NPAS2: variants seen among roughly 807,000 people sequenced by gnomAD.
NPAS2 encodes the protein neuronal PAS domain-containing protein 2.
NPAS2 carries 23 observed loss-of-function variants against 107.5 expected under a neutral mutation model. That is an observed-to-expected ratio of 0.21 (90% confidence interval 0.15 to 0.30). NPAS2 has a LOEUF of 0.30. Ranked by LOEUF, NPAS2 falls within the 10% of genes least tolerant of loss-of-function variation. The pLI, the probability that NPAS2 is intolerant of heterozygous loss-of-function variation, is 1.00. For missense variants in NPAS2, 756 were observed against 1,043.3 expected (o/e 0.72, Z 3.79); for synonymous variants, 403 against 417.5 (o/e 0.97, Z 0.42).
intron 17 of NPAS2, chr2:100,989,095 A>G (rs1677962714): frequency 6.0e-6 from 1 of 166,562 alleles, no homozygotes; most frequent in African/African-American, 2.4e-5. Flanking sequence ...CAAAATCGCC[A>G]GCAGATAAAT....
At chr2:100,821,246 T>A in intron 1 of NPAS2, 1 of 1,284,402 alleles carries the variant, frequency 7.8e-7, no homozygotes, top group Non-Finnish European at 1.0e-6. Context: ...AATTAGTAAC[T>A]AGTTTTGTTG....
chr2:100,821,343 C>G (rs1310123053), intron 1 of NPAS2: 6 of 684,430 alleles, frequency 8.8e-6, no homozygotes, highest in Admixed American at 7.0e-5. Context: ...GGCTTTAGTA[C>G]GGAAAGTTAG....
chr2:100,949,587 T>C, intron 7 of NPAS2, 107 bp downstream of exon 7: 4 of 671,442 alleles, frequency 6.0e-6, no homozygotes, highest in Non-Finnish European at 1.0e-5. Flanking sequence ...CGCGTGCTTT[T>C]CACATTTGCA....
At chr2:100,875,270 A>T (rs1679882778) in intron 1 of NPAS2, among the ~76,000 whole-genome samples, 1 of 152,178 alleles carries the variant, frequency 6.6e-6, no homozygotes, top group African/African-American at 2.4e-5. Flanking sequence ...GGTGGTTGCC[A>T]AACGCTGGGG....
chr2:100,877,395 G>A (rs1035128348), intron 1 of NPAS2, among the ~76,000 whole-genome samples: 13 of 145,586 alleles, frequency 8.9e-5, no homozygotes, highest in Non-Finnish European at 1.8e-4. Context: ...AACCTGGGAG[G>A]CGGAGCTTGC....
chr2:100,894,047 G>A (rs905729380), intron 1 of NPAS2, among the ~76,000 whole-genome samples: 3 of 152,176 alleles, frequency 2.0e-5, no homozygotes, highest in African/African-American at 7.2e-5. Flanking sequence ...GACGCACTTG[G>A]GACCCAGGGC....
intron 2 of NPAS2, among the ~76,000 whole-genome samples, chr2:100,911,218 G>A (rs1466407060): frequency 6.6e-6 from 1 of 152,086 alleles, no homozygotes; most frequent in Non-Finnish European, 1.5e-5. Context: ...TAAAAACATA[G>A]TGGCAAGAAA....
intron 14 of NPAS2, chr2:100,975,832 G>A (rs374117813): frequency 1.5e-4 from 57 of 377,990 alleles, no homozygotes; most frequent in African/African-American, 3.0e-4. Context: ...CTGCAAACCC[G>A]GGGTCATACC....
At chr2:100,842,296 C>G (rs1368852576) in intron 1 of NPAS2, among the ~76,000 whole-genome samples, 3 of 152,178 alleles carry the variant, frequency 2.0e-5, no homozygotes, top group East Asian at 3.8e-4. Context: ...AGGATCCTTT[C>G]CATCCCATCT....
chr2:100,869,740 C>A (rs1281526432), intron 1 of NPAS2, among the ~76,000 whole-genome samples: 1 of 152,134 alleles, frequency 6.6e-6, no homozygotes, highest in Non-Finnish European at 1.5e-5. Flanking sequence ...GCATACCCCT[C>A]CCCTCCAAGG....
chr2:100,837,732 CT>C, intron 1 of NPAS2, among the ~76,000 whole-genome samples: 1 of 152,222 alleles, frequency 6.6e-6, no homozygotes. Flanking sequence ...TGGAGTTTTC[CT>C]CAGATTGGTC....
At chr2:100,953,125 C>T (rs1249539119) in intron 7 of NPAS2, among the ~76,000 whole-genome samples, 2 of 134,604 alleles carry the variant, frequency 1.5e-5, no homozygotes, top group African/African-American at 2.8e-5. Context: ...CCTGTAATCC[C>T]AGCCCTTTGG....
At chr2:100,888,042 T>G (rs1680824707) in intron 1 of NPAS2, among the ~76,000 whole-genome samples, 1 of 152,164 alleles carries the variant, frequency 6.6e-6, no homozygotes, top group Non-Finnish European at 1.5e-5. Flanking sequence ...TTGCCCTTAG[T>G]CTGCAGAGTT....
intron 1 of NPAS2, among the ~76,000 whole-genome samples, chr2:100,834,317 G>A (rs1676927406): frequency 1.3e-5 from 2 of 152,152 alleles, no homozygotes; most frequent in South Asian, 2.1e-4. Context: ...TGCCTGAATC[G>A]CCTTATCTCT....
At chr2:100,882,950 G>A (rs1680465418) in intron 1 of NPAS2, among the ~76,000 whole-genome samples, 1 of 152,178 alleles carries the variant, frequency 6.6e-6, no homozygotes, top group Non-Finnish European at 1.5e-5. Context: ...AGGAGAAACT[G>A]ACACAAAGTC....
rs1374711594 is a variant in NPAS2, at chr2:100,832,777, T to A, written c.-23+12363T>A. Among the ~76,000 whole-genome samples the A allele has an allele frequency of 2.0e-5, 3 of 152,290 alleles. No homozygotes were observed. In the East Asian group the frequency reaches 5.8e-4, roughly 29 times the overall value. ...TTTTAAAAGGAATAGTTAATTCTTC[T>A]TGGGCTCCCAGTTTCTGGGAAGCTG... On this transcript the variant is annotated intron_variant, in intron 1 of 20. Transcript: ENST00000335681.
chr2:100,951,722 G>C (rs1005707497), intron 7 of NPAS2, among the ~76,000 whole-genome samples: 2 of 152,182 alleles, frequency 1.3e-5, no homozygotes, highest in Non-Finnish European at 2.9e-5. Context: ...TTTCAGTTTT[G>C]CAGGATGAAA....
intron 1 of NPAS2, among the ~76,000 whole-genome samples, chr2:100,882,322 A>AT (rs1680400904): frequency 6.6e-6 from 1 of 152,152 alleles, no homozygotes; most frequent in South Asian, 2.1e-4. Context: ...AAACAAAAAA[A>AT]CAAACAGCCG....
intron 1 of NPAS2, among the ~76,000 whole-genome samples, chr2:100,842,084 C>T (rs1479650857): frequency 5.0e-5 from 4 of 80,648 alleles, no homozygotes; most frequent in African/African-American, 2.9e-4. Context: ...TGTACGCGCA[C>T]ACACACACAC....
Sources: allele counts gnomAD v4.1 joint callset (sites outside exome capture counted in the v4.1 genomes callset), GRCh38; gene constraint gnomAD v4.1.1; transcripts MANE v1.5; gene names NCBI Gene and HGNC (gene_info 2026-07-23, HGNC 2026-07-21).